The following NEK11 variants were observed in gnomAD, a reference collection of about 807,000 sequenced individuals.
The protein encoded by NEK11 is NIMA related kinase 11, also known as serine/threonine-protein kinase Nek11.
In NEK11, 72 loss-of-function variants were observed where a neutral mutation model predicts 80.7. The ratio of observed to expected loss-of-function variants is 0.89; its 90% confidence interval spans 0.74 to 1.08. The LOEUF (loss-of-function observed/expected upper bound fraction) is 1.08, where lower values mean the gene tolerates loss of function less well. Ranked by LOEUF, NEK11 falls within the 50% of genes least tolerant of loss-of-function variation. NEK11 has a pLI of 0.00. For synonymous variants in NEK11, 251 were observed against 260.7 expected, an observed-to-expected ratio of 0.96 and a Z score of 0.36; for missense variants, 764 against 763.6, an observed-to-expected ratio of 1.00 and a Z score of -0.01.
intron 14 of NEK11, among the ~76,000 whole-genome samples, chr3:131,186,119 C>G (rs2093591176): frequency 1.3e-5 from 2 of 152,190 alleles, no homozygotes. Flanking sequence ...GCAATATTTT[C>G]TCAAGTTTCA....
At chr3:131,222,306 A>T (rs2095050581) in intron 14 of NEK11, among the ~76,000 whole-genome samples, 1 of 152,204 alleles carries the variant, frequency 6.6e-6, no homozygotes, top group African/African-American at 2.4e-5. Flanking sequence ...ATGTCATTCT[A>T]GTCTACATTG....
chr3:131,305,437 G>A (rs1454852552), intron 17 of NEK11, among the ~76,000 whole-genome samples: 1 of 152,130 alleles, frequency 6.6e-6, no homozygotes, highest in Non-Finnish European at 1.5e-5. Flanking sequence ...GAAGCCAGCA[G>A]ACACAGGAGT....
At chr3:131,100,160 A>T (rs1578250352) in intron 4 of NEK11, among the ~76,000 whole-genome samples, 1 of 152,170 alleles carries the variant, frequency 6.6e-6, no homozygotes, top group East Asian at 1.9e-4. Context: ...GAGGGTTTTT[A>T]TCATGGATGT....
At chr3:131,091,907 C>G (rs1181370159) in intron 4 of NEK11, among the ~76,000 whole-genome samples, 1 of 152,180 alleles carries the variant, frequency 6.6e-6, no homozygotes. Context: ...CAAAAGCAAA[C>G]CAGAGAAATC....
intron 3 of NEK11, among the ~76,000 whole-genome samples, chr3:131,080,215 A>G (rs1217669696): frequency 6.6e-6 from 1 of 152,116 alleles, no homozygotes; most frequent in Non-Finnish European, 1.5e-5. Flanking sequence ...ACTGTAGGAT[A>G]CACAGATGAG....
intron 4 of NEK11, among the ~76,000 whole-genome samples, chr3:131,107,792 G>A (rs182566652): frequency 5.7e-4 from 87 of 152,072 alleles, no homozygotes; most frequent in African/African-American, 2.1e-3. Flanking sequence ...GTTATTCAAG[G>A]GTCAACTGTA....
chr3:131,168,271 A>G (rs955655146), intron 12 of NEK11, among the ~76,000 whole-genome samples: 3 of 152,134 alleles, frequency 2.0e-5, no homozygotes, highest in Non-Finnish European at 4.4e-5. Flanking sequence ...TTGATTGCCT[A>G]TGAATCTTGT....
At chr3:131,154,184 A>G (rs901432650) in intron 9 of NEK11, among the ~76,000 whole-genome samples, 1 of 152,102 alleles carries the variant, frequency 6.6e-6, no homozygotes, top group Non-Finnish European at 1.5e-5. Flanking sequence ...TGCAGGCCAA[A>G]TGGGATCCAG....
At chr3:131,273,607 T>G in intron 17 of NEK11, 33 bp downstream of exon 17, 1 of 1,516,870 alleles carries the variant, frequency 6.6e-7, no homozygotes, top group Non-Finnish European at 9.2e-7. Flanking sequence ...CCTAGGAAGG[T>G]GCAGTGTTAA....
chr3:131,146,052 A>T (rs1464383564), intron 7 of NEK11, among the ~76,000 whole-genome samples: 2 of 152,074 alleles, frequency 1.3e-5, no homozygotes, highest in East Asian at 3.9e-4. Context: ...GTTCTGGATC[A>T]GGGGTTGTTG....
intron 16 of NEK11, among the ~76,000 whole-genome samples, chr3:131,250,208 T>A (rs1330996071): frequency 2.0e-5 from 3 of 151,886 alleles, no homozygotes; most frequent in East Asian, 3.9e-4. Flanking sequence ...ACAAAGTGAT[T>A]CATCTACGTG....
intron 17 of NEK11, among the ~76,000 whole-genome samples, chr3:131,296,587 G>A (rs146151241): frequency 6.6e-6 from 1 of 152,144 alleles, no homozygotes; most frequent in Admixed American, 6.5e-5. Context: ...AAAATTCTAG[G>A]TTGGTGGGAT....
At chr3:131,048,739 C>A (rs2067842231) in intron 3 of NEK11, among the ~76,000 whole-genome samples, 1 of 152,174 alleles carries the variant, frequency 6.6e-6, no homozygotes, top group Admixed American at 6.5e-5. Context: ...AGCAAAAGTT[C>A]TCTGTATGAG....
intron 7 of NEK11, among the ~76,000 whole-genome samples, chr3:131,135,170 C>T (rs1474262832): frequency 3.3e-5 from 5 of 152,146 alleles, no homozygotes; most frequent in South Asian, 2.1e-4. Context: ...TCCTTGTTCT[C>T]GTGCCTACCA....
chr3:131,254,334 G>A (rs1444590267), intron 16 of NEK11, among the ~76,000 whole-genome samples: 1 of 152,144 alleles, frequency 6.6e-6, no homozygotes, highest in Non-Finnish European at 1.5e-5. Flanking sequence ...CTGTCAAGGT[G>A]AAAAACACAA....
chr3:131,293,036 A>G (rs1314961778), intron 17 of NEK11, among the ~76,000 whole-genome samples: 1 of 152,146 alleles, frequency 6.6e-6, no homozygotes, highest in Non-Finnish European at 1.5e-5. Context: ...TCATCACTGA[A>G]GGAGAACATT....
At chr3:131,265,445 A>G (rs1430625840) in intron 16 of NEK11, among the ~76,000 whole-genome samples, 2 of 152,160 alleles carry the variant, frequency 1.3e-5, no homozygotes, top group East Asian at 3.9e-4. Context: ...ATTTTGTCGA[A>G]GGCCTTTTCT....
chr3:131,238,400 A>G (rs2095468499), intron 15 of NEK11, among the ~76,000 whole-genome samples: 1 of 152,206 alleles, frequency 6.6e-6, no homozygotes, highest in African/African-American at 2.4e-5. Flanking sequence ...TGTTTATCAC[A>G]GAACAAATAC....
At chr3:131,207,831 ATTTG>A (rs1460410889) in intron 14 of NEK11, among the ~76,000 whole-genome samples, 1 of 152,056 alleles carries the variant, frequency 6.6e-6, no homozygotes, top group African/African-American at 2.4e-5. Context: ...TTTCTTGTAA[ATTTG>A]TTTAAGTTCT....
Sources: allele counts gnomAD v4.1 joint callset (sites outside exome capture counted in the v4.1 genomes callset), GRCh38; gene constraint gnomAD v4.1.1; transcripts MANE v1.5; gene names NCBI Gene and HGNC (gene_info 2026-07-23, HGNC 2026-07-21).